The following OLFM4 variants were observed in gnomAD, a reference collection of about 807,000 sequenced individuals.
The protein encoded by OLFM4 is olfactomedin-4.
OLFM4 carries 22 observed loss-of-function variants against 25.5 expected under a neutral mutation model. The observed-to-expected ratio is 0.86, with a 90% CI of 0.62 to 1.23. The LOEUF (loss-of-function observed/expected upper bound fraction) is 1.23. OLFM4 is among the 50% of genes most tolerant of loss of function. The probability of loss-of-function intolerance (pLI) is 0.00; values close to 1 mark genes in which losing one functional copy is unlikely to be tolerated. For missense variants in OLFM4, 594 were observed against 619.4 expected, an observed-to-expected ratio of 0.96 and a Z score of 0.44; for synonymous variants, 255 against 237.7, an observed-to-expected ratio of 1.07 and a Z score of -0.67.
chr13:53,046,951 T>C (rs533470190), intron 4 of OLFM4, among the ~76,000 whole-genome samples: 1 of 152,260 alleles, frequency 6.6e-6, no homozygotes, highest in East Asian at 1.9e-4. Context: ...AACAGAGAGG[T>C]GCACCTGTGA....
In OLFM4 at chr13:53,042,262, A is replaced by G. The variant is rs1169162207; in HGVS notation, c.570+140A>G. 6 of 737,112 alleles carry G rather than the reference A, an allele frequency of 8.1e-6. No homozygotes were observed. The Admixed American group carries it at 9.9e-5, about 12-fold the overall frequency. 45.7% of individuals were successfully genotyped at this position (737,112 alleles called of 1,614,324 possible). A position where few individuals can be genotyped will look rare whatever the true frequency, so the allele number is the denominator to read the frequency against. ...TCTCATGGCCACATGGCATATCACT[A>G]TGTTCTGTTTTGGATAAGGGCATGT... On this transcript the variant is annotated intron_variant, in intron 3 of 4. Coordinates refer to ENST00000219022, the MANE Select transcript of OLFM4 (RefSeq NM_006418.5).
chr13:53,037,206 A>G (rs1338863983), intron 2 of OLFM4, among the ~76,000 whole-genome samples: 2 of 152,242 alleles, frequency 1.3e-5, no homozygotes, highest in African/African-American at 2.4e-5. Flanking sequence ...CTGCCTCTGC[A>G]TAAGATGCTG....
Position 53,028,969 on chromosome 13 carries a change from A to G in OLFM4, c.133A>G (p.Ser45Gly), listed in dbSNP as rs758401121. Residue 45 changes from serine (S) to glycine (G), a missense_variant, in exon 1 of 5, where the codon AGC (serine) becomes GGC (glycine). Coordinates refer to ENST00000219022, the MANE Select transcript of OLFM4 (RefSeq NM_006418.5). ...SSFPGVDSSSSFSSSSRSGSS... is the reference protein window; with the variant it reads ...SSFPGVDSSSGFSSSSRSGSS... The stretch of plus-strand genomic sequence containing the variant: ...TTTCCCAGGTGTTGACTCCAGCTCC[A>G]GCTTCAGCTCCAGCTCCAGGTCGGG... 20 of 1,613,772 alleles carry G rather than the reference A, an allele frequency of 1.2e-5. No homozygotes were observed. In the South Asian group the frequency reaches 2.2e-4, roughly 18 times the overall value.
chr13:53,034,056 C>CA (rs397851637), intron 1 of OLFM4, among the ~76,000 whole-genome samples: 3,506 of 40,590 alleles, frequency 0.086, 339 homozygotes, highest in African/African-American at 0.13. Flanking sequence ...GACTCCGTCT[C>CA]AAAAAAAAAA....
chr13:53,029,107 T>A (rs1954614578), intron 1 of OLFM4, 67 bp downstream of exon 1: 1 of 1,595,198 alleles, frequency 6.3e-7, no homozygotes, highest in Non-Finnish European at 8.5e-7. Flanking sequence ...GGTACCTGAA[T>A]ACAATTTCAT....
At chr13:53,047,306 G>C (rs938226929) in intron 4 of OLFM4, among the ~76,000 whole-genome samples, 1 of 152,164 alleles carries the variant, frequency 6.6e-6, no homozygotes, top group Non-Finnish European at 1.5e-5. Context: ...GATGGGATGG[G>C]GGGATGGGGA....
intron 4 of OLFM4, among the ~76,000 whole-genome samples, chr13:53,047,761 A>C (rs561708784): frequency 1.4e-4 from 22 of 151,906 alleles, no homozygotes; most frequent in Non-Finnish European, 2.6e-4. Context: ...TGATAATAGC[A>C]GTAGTAATAG....
intron 4 of OLFM4, among the ~76,000 whole-genome samples, chr13:53,045,837 A>G (rs917675567): frequency 6.6e-6 from 1 of 152,192 alleles, no homozygotes; most frequent in Admixed American, 6.5e-5. Context: ...AATCTAAAAT[A>G]ATTGGCCTTC....
Position 53,043,214 on chromosome 13 carries a change from A to G in OLFM4, c.680A>G (p.Glu227Gly). The G allele has an allele frequency of 1.9e-6, 3 of 1,612,588 alleles. No homozygotes were observed. The highest frequency in any genetic ancestry group is 2.5e-6 in the Non-Finnish European group (3 of 1,179,466). ...VALKTKLKEC[E>G]ASKDQNTPVV... ...CTGAAGACCAAGCTGAAAGAGTGTG[A>G]GGCCTCTAAAGATCAAAACACCCCT... The change falls in exon 4 of 5, where the codon GAG becomes GGG. Residue 227 changes from glutamate to glycine, a missense_variant. Physicochemically the swap from Glu to Gly is moderately conservative, Grantham distance 98 (BLOSUM62 -2). Coordinates refer to ENST00000219022, the MANE Select transcript of OLFM4 (RefSeq NM_006418.5).
At chr13:53,042,553 T>A (rs901839917) in intron 3 of OLFM4, among the ~76,000 whole-genome samples, 5 of 152,206 alleles carry the variant, frequency 3.3e-5, no homozygotes, top group Admixed American at 1.3e-4. Context: ...CTGGAATCCT[T>A]CTCTGCAAAC....
intron 3 of OLFM4, among the ~76,000 whole-genome samples, chr13:53,042,411 A>G (rs1362743061): frequency 6.6e-6 from 1 of 152,212 alleles, no homozygotes; most frequent in Non-Finnish European, 1.5e-5. Context: ...GCTGGCATAA[A>G]GTTGAACAAC....
intron 4 of OLFM4, among the ~76,000 whole-genome samples, chr13:53,046,524 T>C (rs140283008): frequency 6.6e-6 from 1 of 152,330 alleles, no homozygotes; most frequent in Non-Finnish European, 1.5e-5. Context: ...TAGTGTTTTA[T>C]AAATAAGGGT....
chr13:53,035,942 T>G (rs7335883), intron 2 of OLFM4, among the ~76,000 whole-genome samples: 78,813 of 152,080 alleles, frequency 0.52, 20,747 homozygotes, highest in East Asian at 0.74. Context: ...TCCAAGCTAG[T>G]CTATAATCAC....
chr13:53,045,679 C>T (rs557109541), intron 4 of OLFM4, among the ~76,000 whole-genome samples: 51 of 152,150 alleles, frequency 3.4e-4, no homozygotes, highest in African/African-American at 1.2e-3. Flanking sequence ...CTCTCTGGGC[C>T]CCCTCCCTTA....
chr13:53,037,719 T>C (rs1954666112), intron 2 of OLFM4, among the ~76,000 whole-genome samples: 1 of 152,194 alleles, frequency 6.6e-6, no homozygotes, highest in African/African-American at 2.4e-5. Context: ...TTTATATGTC[T>C]TTACAATCAC....
rs749835426 is a variant in OLFM4 at position 53,050,256 on chromosome 13, G to A, written c.1018G>A (p.Val340Ile). Reference sequence around the variant, plus strand: ...AGCAGTTTACAACAACAACATGTACGTCAACATGTACAACACCGGGAATAT... The same window carrying A: ...AGCAGTTTACAACAACAACATGTACATCAACATGTACAACACCGGGAATAT... ...GTAVYNNNMYVNMYNTGNIAR... is the reference protein window; with the variant it reads ...GTAVYNNNMYINMYNTGNIAR... Residue 340 changes from valine (V) to isoleucine (I), a missense_variant, in exon 5 of 5, where the codon GTC becomes ATC. Val to Ile is a conservative substitution (Grantham distance 29, BLOSUM62 3). Transcript: ENST00000219022. 9 of 1,613,870 alleles carry A rather than the reference G, an allele frequency of 5.6e-6. No homozygotes were observed. The highest frequency in any genetic ancestry group is 2.2e-5 in the East Asian group (1 of 44,882).
At chr13:53,036,569 C>A (rs1954659802) in intron 2 of OLFM4, among the ~76,000 whole-genome samples, 1 of 151,854 alleles carries the variant, frequency 6.6e-6, no homozygotes. Context: ...GGAAGAAGTG[C>A]AGAATAGGTG....
intron 4 of OLFM4, among the ~76,000 whole-genome samples, chr13:53,044,845 C>A (rs1355429892): frequency 6.6e-6 from 1 of 152,184 alleles, no homozygotes. Context: ...GAGGCTGAAG[C>A]AATGACAACT....
At chr13:53,030,509 G>A (rs1005554627) in intron 1 of OLFM4, among the ~76,000 whole-genome samples, 1 of 152,110 alleles carries the variant, frequency 6.6e-6, no homozygotes, top group Non-Finnish European at 1.5e-5. Context: ...CACCATGTTG[G>A]TCAGGCTGGT....
Sources: gnomAD v4.1 joint callset for allele counts (sites outside exome capture counted in the v4.1 genomes callset) on GRCh38, gnomAD v4.1.1 for gene constraint, MANE v1.5 for transcripts, NCBI Gene and HGNC (gene_info 2026-07-23, HGNC 2026-07-21) for gene names.